The following CNTN5 variants were observed in gnomAD, a reference collection of about 807,000 sequenced individuals.
CNTN5 encodes the protein contactin 5, also known as contactin-5.
In CNTN5, 77 loss-of-function variants were observed where a neutral mutation model predicts 129.1. The observed-to-expected ratio is 0.60, with a 90% CI of 0.50 to 0.72. CNTN5 has a LOEUF of 0.72. CNTN5 is among the 30% of genes least tolerant of loss of function. CNTN5 has a pLI of 0.00. For synonymous variants in CNTN5, 509 were observed against 465.6 expected (o/e 1.09, Z -1.20); for missense variants, 1,478 against 1,328.8 (o/e 1.11, Z -1.75).
chr11:99,267,782 T>C (rs908892258), intron 1 of CNTN5, among the ~76,000 whole-genome samples: 2 of 152,030 alleles, frequency 1.3e-5, no homozygotes, highest in African/African-American at 4.8e-5. Flanking sequence ...TTGCAGTGTA[T>C]GGATTCATCT....
intron 6 of CNTN5, among the ~76,000 whole-genome samples, chr11:99,893,770 A>G (rs1267508379): frequency 6.6e-6 from 1 of 152,234 alleles, no homozygotes; most frequent in Admixed American, 6.5e-5. Flanking sequence ...TAAGCTAACC[A>G]ACATCACATT....
intron 1 of CNTN5, among the ~76,000 whole-genome samples, chr11:99,165,278 A>G (rs931329975): frequency 2.0e-5 from 3 of 152,216 alleles, no homozygotes; most frequent in Admixed American, 6.5e-5. Context: ...TCTGAAAACG[A>G]TAAAAGAGTC....
chr11:99,956,769 CAA>C, intron 7 of CNTN5, 35 bp from the exon 8 acceptor site: 1 of 1,521,558 alleles, frequency 6.6e-7, no homozygotes, highest in Non-Finnish European at 9.1e-7. Context: ...ATGAAAAAAT[CAA>C]AGTCTTTCGT....
chr11:99,772,086 T>C (rs1407426988), intron 3 of CNTN5, among the ~76,000 whole-genome samples: 1 of 148,948 alleles, frequency 6.7e-6, no homozygotes, highest in Non-Finnish European at 1.5e-5. Flanking sequence ...TTTTTTTTTA[T>C]CAACAATGGA....
Position 99,755,983 on chromosome 11 carries a change from C to G in CNTN5, c.56-63561C>G, listed in dbSNP as rs76250730. On this transcript the variant is annotated intron_variant, in intron 3 of 24. Coordinates refer to ENST00000524871, the MANE Select transcript of CNTN5 (RefSeq NM_014361.4). Reference sequence around the variant, plus strand: ...TGTTAATAAAATCAAAGGAAATATCCCTCCCCCATATATTAATTATTACTA... The same window carrying G: ...TGTTAATAAAATCAAAGGAAATATCGCTCCCCCATATATTAATTATTACTA... 9.6e-3 allele frequency among the ~76,000 whole-genome samples: 1,458 copies of G among 151,820 alleles called. 29 individuals carry two copies. Among genetic ancestry groups the G allele is most frequent in the African/African-American group, 0.033 (1,376 of 41,428 alleles).
At chr11:99,709,843 G>A (rs538961585) in intron 3 of CNTN5, among the ~76,000 whole-genome samples, 1 of 151,834 alleles carries the variant, frequency 6.6e-6, no homozygotes, top group South Asian at 2.1e-4. Flanking sequence ...AAAGGAATTA[G>A]AGGAGAGCCC....
At chr11:100,007,007 A>G (rs1351223412) in intron 9 of CNTN5, among the ~76,000 whole-genome samples, 1 of 152,132 alleles carries the variant, frequency 6.6e-6, no homozygotes, top group Admixed American at 6.6e-5. Context: ...CTCTTGGGTA[A>G]TGAGATGCAT....
intron 1 of CNTN5, among the ~76,000 whole-genome samples, chr11:99,111,332 G>T (rs1038745846): frequency 7.2e-5 from 11 of 151,768 alleles, no homozygotes; most frequent in Admixed American, 4.6e-4. Context: ...GTATATCCTT[G>T]GGAGTAATAG....
chr11:100,285,365 T>A (rs1250731459), intron 18 of CNTN5, among the ~76,000 whole-genome samples: 2 of 152,180 alleles, frequency 1.3e-5, no homozygotes, highest in African/African-American at 4.8e-5. Flanking sequence ...CGTTCCATCA[T>A]GCCCTATCAT....
At chr11:99,791,681 C>T (rs539110266) in intron 3 of CNTN5, among the ~76,000 whole-genome samples, 1 of 152,256 alleles carries the variant, frequency 6.6e-6, no homozygotes, top group African/African-American at 2.4e-5. Context: ...ATACAGACAG[C>T]AGTGAATCTG....
At chr11:99,846,751 A>G (rs1947711616) in intron 6 of CNTN5, among the ~76,000 whole-genome samples, 1 of 152,158 alleles carries the variant, frequency 6.6e-6, no homozygotes, top group Middle Eastern at 3.2e-3. Flanking sequence ...AGAAGTGTGA[A>G]ATAGAAAAGG....
At chr11:100,171,872 G>GA (rs1947838021) in intron 13 of CNTN5, among the ~76,000 whole-genome samples, 1 of 151,758 alleles carries the variant, frequency 6.6e-6, no homozygotes, top group African/African-American at 2.4e-5. Context: ...ATATATAGTA[G>GA]AAAAAAATGT....
intron 9 of CNTN5, among the ~76,000 whole-genome samples, chr11:100,019,204 A>G (rs1591064471): frequency 3.3e-5 from 5 of 152,032 alleles, no homozygotes; most frequent in African/African-American, 9.6e-5. Flanking sequence ...TGCCATAGCT[A>G]AGATATATTT....
intron 3 of CNTN5, among the ~76,000 whole-genome samples, chr11:99,765,125 T>C (rs1002842086): frequency 6.6e-6 from 1 of 152,100 alleles, no homozygotes; most frequent in Admixed American, 6.6e-5. Context: ...AAAATATTAT[T>C]ACATGTCAAA....
chr11:100,073,776 C>T (rs1161913218), intron 12 of CNTN5, among the ~76,000 whole-genome samples: 2 of 151,964 alleles, frequency 1.3e-5, no homozygotes, highest in African/African-American at 2.4e-5. Flanking sequence ...TTGTCTTTTT[C>T]GCAGGTCACC....
At chr11:99,418,288 A>G (rs1054831283) in intron 2 of CNTN5, among the ~76,000 whole-genome samples, 4 of 152,178 alleles carry the variant, frequency 2.6e-5, no homozygotes, top group African/African-American at 4.8e-5. Context: ...ACTTTAAAAA[A>G]AAGGTATGAG....
intron 3 of CNTN5, among the ~76,000 whole-genome samples, chr11:99,564,510 A>G (rs1473355541): frequency 5.9e-5 from 9 of 152,210 alleles, no homozygotes; most frequent in Non-Finnish European, 1.2e-4. Flanking sequence ...AAAAACAAAA[A>G]CAAAAACAAA....
intron 3 of CNTN5, among the ~76,000 whole-genome samples, chr11:99,624,050 A>G (rs1951046469): frequency 6.6e-6 from 1 of 152,182 alleles, no homozygotes; most frequent in Non-Finnish European, 1.5e-5. Flanking sequence ...AAAAGTTAAC[A>G]GGGAAATTTG....
chr11:99,580,382 C>T (rs938463118), intron 3 of CNTN5, among the ~76,000 whole-genome samples: 11 of 151,982 alleles, frequency 7.2e-5, no homozygotes, highest in South Asian at 2.1e-4. Context: ...TTTCTATTAA[C>T]TGGAATAGTT....
Sources: allele counts gnomAD v4.1 joint callset (sites outside exome capture counted in the v4.1 genomes callset), GRCh38; gene constraint gnomAD v4.1.1; transcripts MANE v1.5; gene names NCBI Gene and HGNC (gene_info 2026-07-23, HGNC 2026-07-21).